CNTN1: variants seen among roughly 807,000 people sequenced by gnomAD.
CNTN1 encodes the protein contactin-1.
In CNTN1, 38 loss-of-function variants were observed where a neutral mutation model predicts 126.4. The observed-to-expected ratio is 0.30, with a 90% CI of 0.23 to 0.39. The LOEUF (loss-of-function observed/expected upper bound fraction) is 0.39, where lower values mean the gene tolerates loss of function less well. Ranked by LOEUF, CNTN1 falls within the 10% of genes least tolerant of loss-of-function variation. The pLI is 1.00. For missense variants in CNTN1, 1,009 were observed against 1,248.4 expected, an observed-to-expected ratio of 0.81 and a Z score of 2.89; for synonymous variants, 413 against 422.6, an observed-to-expected ratio of 0.98 and a Z score of 0.28.
At chr12:40,911,107 G>A (rs4768320) in intron 3 of CNTN1, among the ~76,000 whole-genome samples, 9,988 of 152,126 alleles carry the variant, frequency 0.066, 548 homozygotes, top group Admixed American at 0.16. Context: ...TTGAGATGGA[G>A]TCTCGCTCTG....
intron 14 of CNTN1, among the ~76,000 whole-genome samples, chr12:40,958,278 A>G (rs1162249569): frequency 6.6e-6 from 1 of 151,424 alleles, no homozygotes; most frequent in African/African-American, 2.4e-5. Context: ...TCAAAAAAGA[A>G]TTGAATAAAA....
chr12:40,885,478 A>T (rs1017718275), intron 1 of CNTN1, among the ~76,000 whole-genome samples: 3 of 151,946 alleles, frequency 2.0e-5, no homozygotes, highest in Admixed American at 1.3e-4. Context: ...TCTAGAGCTA[A>T]ACTGCTTGGT....
intron 1 of CNTN1, among the ~76,000 whole-genome samples, chr12:40,878,396 C>T (rs1418826263): frequency 1.3e-5 from 2 of 151,668 alleles, no homozygotes; most frequent in Admixed American, 6.6e-5. Context: ...AAACAAATCA[C>T]ATTTTACAAA....
rs764282415 is a variant in CNTN1 at position 41,027,901 on chromosome 12, T to G, written c.2755T>G (p.Ser919Ala). 6.2e-7 allele frequency: 1 copy of G among 1,613,964 alleles called. No individual in the cohort carries two copies. The highest frequency in any genetic ancestry group is 1.1e-5 in the South Asian group (1 of 91,090). ...GATCATCAGTTCAGTAAGGTCTGGT[T>G]CACGCTATATAATCACCTGGGATCA... The part of the protein sequence containing the change: ...PRIISSVRSG[S>A]RYIITWDHVV... Residue 919 changes from serine (S) to alanine (A), a missense_variant, in exon 22 of 24, where the codon TCA (serine) becomes GCA (alanine). Coordinates refer to ENST00000551295, the MANE Select transcript of CNTN1 (RefSeq NM_001843.4).
intron 15 of CNTN1, among the ~76,000 whole-genome samples, chr12:40,964,880 T>C (rs959965062): frequency 1.3e-5 from 2 of 152,164 alleles, no homozygotes; most frequent in Admixed American, 6.6e-5. Flanking sequence ...GTCTTTTCTA[T>C]GGAAAATGCT....
At chr12:40,981,171 A>C (rs1404311358) in intron 16 of CNTN1, 104 bp downstream of exon 16, 11 of 1,118,124 alleles carry the variant, frequency 9.8e-6, no homozygotes, top group Non-Finnish European at 1.3e-5. Context: ...CTACCTTGAA[A>C]GGCTTTCTTT....
intron 17 of CNTN1, among the ~76,000 whole-genome samples, chr12:40,995,494 A>T (rs34482675): frequency 0.034 from 5,157 of 152,274 alleles, 114 homozygotes; most frequent in Middle Eastern, 0.11. Context: ...AGGAAAAAAT[A>T]ATAGAGTATT....
intron 1 of CNTN1, among the ~76,000 whole-genome samples, chr12:40,867,753 TTTTTCTCTTTAC>T (rs1943348442): frequency 6.6e-6 from 1 of 152,230 alleles, no homozygotes; most frequent in African/African-American, 2.4e-5. Flanking sequence ...CAAGCATGAA[TTTTTCTCTTTAC>T]TTTTCTCTTT....
intron 23 of CNTN1, 98 bp downstream of exon 23, chr12:41,029,317 C>T: frequency 1.5e-6 from 2 of 1,323,180 alleles, no homozygotes; most frequent in South Asian, 2.4e-5. Context: ...ACACCAGTGT[C>T]CATATTTTCC....
At chr12:41,036,627 A>G (rs1335810722) in intron 23 of CNTN1, among the ~76,000 whole-genome samples, 1 of 152,214 alleles carries the variant, frequency 6.6e-6, no homozygotes, top group African/African-American at 2.4e-5. Flanking sequence ...TTCAGAAAAT[A>G]GTGATTAATA....
chr12:40,737,594 C>T (rs762866606), intron 1 of CNTN1, among the ~76,000 whole-genome samples: 12 of 151,642 alleles, frequency 7.9e-5, no homozygotes, highest in East Asian at 2.0e-4. Context: ...TTATATTCGC[C>T]GGCAGCTGAG....
intron 1 of CNTN1, among the ~76,000 whole-genome samples, chr12:40,879,446 A>G (rs564888660): frequency 1.1e-4 from 16 of 152,282 alleles, no homozygotes; most frequent in Middle Eastern, 3.4e-3. Context: ...AAAATTCCCC[A>G]AAGAGAAATA....
intron 23 of CNTN1, among the ~76,000 whole-genome samples, chr12:41,054,479 G>A (rs1949758969): frequency 6.6e-6 from 1 of 151,944 alleles, no homozygotes; most frequent in South Asian, 2.1e-4. Flanking sequence ...ATCTGCTTTA[G>A]CAAAGAGAGA....
In CNTN1 at chr12:40,961,659, C is replaced by T. The variant is rs534602708; in HGVS notation, c.1804+2425C>T. ...TGATTTGTAATTTTCATAAGATTTT[C>T]GTAGCCAGCAATGTCCCACAAGGCA... On this transcript the variant is annotated intron_variant, in intron 15 of 23. Coordinates refer to ENST00000551295, the MANE Select transcript of CNTN1 (RefSeq NM_001843.4). Among the ~76,000 whole-genome samples the T allele has an allele frequency of 4.0e-5, 6 of 150,470 alleles. No individual in the cohort carries two copies. In the South Asian group the frequency reaches 8.3e-4, roughly 21 times the overall value.
intron 16 of CNTN1, among the ~76,000 whole-genome samples, chr12:40,989,749 G>T (rs1261803417): frequency 1.3e-5 from 2 of 151,894 alleles, no homozygotes; most frequent in African/African-American, 4.8e-5. Flanking sequence ...GGCCCTGAGG[G>T]GTTTCAAAAC....
chr12:40,941,095 A>T (rs1344273936), intron 12 of CNTN1, among the ~76,000 whole-genome samples: 1 of 152,190 alleles, frequency 6.6e-6, no homozygotes, highest in African/African-American at 2.4e-5. Context: ...AAATATCAAT[A>T]TGTGTTCAAA....
intron 1 of CNTN1, among the ~76,000 whole-genome samples, chr12:40,724,637 T>C (rs1439502735): frequency 1.3e-5 from 2 of 152,222 alleles, no homozygotes; most frequent in African/African-American, 4.8e-5. Flanking sequence ...TCCTCCGTGA[T>C]CATGAGCAAA....
At chr12:40,817,982 A>G (rs758988902) in intron 1 of CNTN1, among the ~76,000 whole-genome samples, 2 of 152,046 alleles carry the variant, frequency 1.3e-5, no homozygotes, top group Non-Finnish European at 2.9e-5. Context: ...TTAAGGTTGA[A>G]TATTGGCCCC....
intron 17 of CNTN1, among the ~76,000 whole-genome samples, chr12:41,000,069 G>A (rs369937211): frequency 2.6e-5 from 4 of 152,120 alleles, no homozygotes; most frequent in Middle Eastern, 3.4e-3. Flanking sequence ...TCTCTGAAGA[G>A]CAAATCAGTC....
Sources: allele counts gnomAD v4.1 joint callset (sites outside exome capture counted in the v4.1 genomes callset), GRCh38; gene constraint gnomAD v4.1.1; transcripts MANE v1.5; gene names NCBI Gene and HGNC (gene_info 2026-07-23, HGNC 2026-07-21).